The following SDC1 variants were observed in gnomAD, a reference collection of about 807,000 sequenced individuals.
The protein encoded by SDC1 is syndecan 1.
A neutral mutation model predicts 29.7 loss-of-function variants in SDC1; 14 were observed. The ratio of observed to expected loss-of-function variants is 0.47; its 90% confidence interval spans 0.31 to 0.74. The LOEUF is 0.74. Ranked by LOEUF, SDC1 falls within the 30% of genes least tolerant of loss-of-function variation. The probability of loss-of-function intolerance (pLI) is 0.05; values close to 1 mark genes in which losing one functional copy is unlikely to be tolerated. For missense variants in SDC1, 406 were observed against 400.3 expected, an observed-to-expected ratio of 1.01 and a Z score of -0.12; for synonymous variants, 204 against 175.5, an observed-to-expected ratio of 1.16 and a Z score of -1.29.
In SDC1 at chr2:20,213,110, C is replaced by T. The variant is rs142320169; in HGVS notation, c.67-7686G>A. 1.4e-3 allele frequency among the ~76,000 whole-genome samples: 218 copies of T among 152,218 alleles called. 1 individual carries two copies. The highest frequency in any genetic ancestry group is 4.6e-3 in the African/African-American group (190 of 41,532). On this transcript the variant is annotated intron_variant, in intron 1 of 4. Coordinates refer to ENST00000254351, the MANE Select transcript of SDC1 (RefSeq NM_002997.5). ...GATCCTGGCAGCCTCATGCCAGCTC[C>T]GATGCCCAAGCCAAGCCAGTGCTGC... is the stretch of plus-strand genomic sequence containing the variant.
At chr2:20,213,605 G>A (rs187427787) in intron 1 of SDC1, among the ~76,000 whole-genome samples, 1 of 152,162 alleles carries the variant, frequency 6.6e-6, no homozygotes, top group Non-Finnish European at 1.5e-5. Flanking sequence ...CCAAAGCACT[G>A]TCCCTCCCCC....
intron 1 of SDC1, among the ~76,000 whole-genome samples, chr2:20,222,517 G>A (rs920956818): frequency 1.3e-5 from 2 of 152,170 alleles, no homozygotes; most frequent in Admixed American, 1.3e-4. Flanking sequence ...TAAGCTTCAA[G>A]CCAGAGTCTG....
intron 1 of SDC1, among the ~76,000 whole-genome samples, chr2:20,207,141 C>G (rs1677299684): frequency 6.6e-6 from 1 of 152,258 alleles, no homozygotes; most frequent in African/African-American, 2.4e-5. Context: ...AGACCTCCTG[C>G]CTCCTGAGGC....
intron 1 of SDC1, among the ~76,000 whole-genome samples, chr2:20,210,548 C>CT (rs925229921): frequency 5.3e-5 from 8 of 152,246 alleles, no homozygotes; most frequent in African/African-American, 1.9e-4. Flanking sequence ...CAGGGGGCCT[C>CT]TGATTCGCAG....
chr2:20,214,747 G>A (rs1435737962), intron 1 of SDC1, among the ~76,000 whole-genome samples: 1 of 152,214 alleles, frequency 6.6e-6, no homozygotes, highest in Non-Finnish European at 1.5e-5. Context: ...GGGTGTGGTG[G>A]AAGAAGAGTC....
Position 20,202,115 on chromosome 2 carries a change from G to T in SDC1, c.*651C>A. On this transcript the variant is annotated 3_prime_UTR_variant, in exon 5 of 5. Transcript: ENST00000254351. The stretch of plus-strand genomic sequence containing the variant: ...CCTAGTTTAAAAAAAAAAAAAAAAA[G>T]TCTTCTTAACCCTGATGCTGTCTCC... 2 of 459,134 alleles carry T rather than the reference G, an allele frequency of 4.4e-6. No homozygotes were observed. Among genetic ancestry groups the T allele is most frequent in the Non-Finnish European group, 7.7e-6 (2 of 260,298 alleles). The allele number at this position is 459,134 out of a possible 1,614,324, so 28.4% of individuals were successfully genotyped here. A position where few individuals can be genotyped will look rare whatever the true frequency, so the allele number is the denominator to read the frequency against.
rs1175660797 is a variant in SDC1, at chr2:20,203,169, A to C, written c.681T>G (p.Pro227=). The C allele has an allele frequency of 6.2e-7, 1 of 1,612,880 alleles. No individual in the cohort carries two copies. Among genetic ancestry groups the C allele is most frequent in the Non-Finnish European group, 8.5e-7 (1 of 1,179,618 alleles). The change falls in exon 4 of 5, where the codon CCT becomes CCG. Residue 227 remains proline, a synonymous_variant. Transcript: ENST00000254351. ...GENTAVVAVE[P]DRRNQSPVDQ... is the part of the protein sequence containing the mutation. ...CCACTGGGGACTGGTTCCGGCGGTC[A>C]GGCTCCACGGCCACTACAGCCGTAT...
At chr2:20,221,123 G>C (rs898222277) in intron 1 of SDC1, among the ~76,000 whole-genome samples, 2 of 152,126 alleles carry the variant, frequency 1.3e-5, no homozygotes, top group Non-Finnish European at 2.9e-5. Context: ...GAGGTAGAGG[G>C]GAGACTGCAA....
chr2:20,204,798 TC>T (rs1245342797), intron 2 of SDC1, among the ~76,000 whole-genome samples: 1 of 152,036 alleles, frequency 6.6e-6, no homozygotes. Flanking sequence ...TCTTCTGAGG[TC>T]CACTCAAGAG....
intron 1 of SDC1, chr2:20,207,927 T>G: frequency 1.0e-6 from 1 of 984,090 alleles, no homozygotes; most frequent in African/African-American, 1.7e-5. Context: ...CCATACTCAC[T>G]GGGATCATGG....
rs370522141 is a variant in SDC1, at chr2:20,204,242, C to T, written c.198G>A (p.Lys66=). 7.5e-6 allele frequency: 12 copies of T among 1,590,224 alleles called. No homozygotes were observed. Among genetic ancestry groups the T allele is most frequent in the African/African-American group, 1.3e-5 (1 of 74,192 alleles). ...TLSQQTPSTW[K]DTQLLTAIPT... is the part of the protein sequence containing the mutation. ...GAATAGCCGTCAGGAGCTGCGTGTC[C>T]TTCCAAGTGGAGGGGGTCTGCTGTG... Residue 66 remains lysine (K), a synonymous_variant, in exon 3 of 5, where the codon AAG becomes AAA. Coordinates refer to ENST00000254351, the MANE Select transcript of SDC1 (RefSeq NM_002997.5).
In SDC1 at chr2:20,224,059, C is replaced by T. The variant is rs887516935; in HGVS notation, c.66+743G>A. 1 of 275,238 alleles carries T rather than the reference C, an allele frequency of 3.6e-6. No individual in the cohort carries two copies. Among genetic ancestry groups the T allele is most frequent in the South Asian group, 2.5e-5 (1 of 40,336 alleles). 17.0% of individuals were successfully genotyped at this position (275,238 alleles called of 1,614,324 possible). On this transcript the variant is annotated intron_variant, in intron 1 of 4. Transcript: ENST00000254351. This position sits in a 1 kb window ranked among gnomAD's most constrained non-coding sequence, Gnocchi z 4.9. Reference sequence around the variant, plus strand: ...GCGTGGAAGGCGCCTGCGCCTCGGCCGTGCCCGGCACGGGAACGCGCCCTC... The same window carrying T: ...GCGTGGAAGGCGCCTGCGCCTCGGCTGTGCCCGGCACGGGAACGCGCCCTC...
chr2:20,206,728 C>G (rs191803836), intron 1 of SDC1, among the ~76,000 whole-genome samples: 137 of 152,348 alleles, frequency 9.0e-4, no homozygotes, highest in African/African-American at 2.8e-3. Context: ...CCTGGGATGT[C>G]ATTAAACTGC....
chr2:20,207,105 T>G (rs1677298668), intron 1 of SDC1, among the ~76,000 whole-genome samples: 1 of 152,122 alleles, frequency 6.6e-6, no homozygotes, highest in South Asian at 2.1e-4. Flanking sequence ...CACTTCTGGG[T>G]AGTGCAAAGC....
In SDC1 at chr2:20,202,412, G is replaced by A. The variant is rs1677047258; in HGVS notation, c.*354C>T. 1 of 670,936 alleles carries A rather than the reference G, an allele frequency of 1.5e-6. No individual in the cohort carries two copies. The highest frequency in any genetic ancestry group is 1.7e-5 in the South Asian group (1 of 58,752). 41.6% of individuals were successfully genotyped at this position (670,936 alleles called of 1,614,324 possible). ...CACCCGCAGGATCTTCCAGCCACATGAGGCCATTTAGGTCCAAAGCAGTCG... is the reference window on the plus strand; with the variant it reads ...CACCCGCAGGATCTTCCAGCCACATAAGGCCATTTAGGTCCAAAGCAGTCG... On this transcript the variant is annotated 3_prime_UTR_variant, in exon 5 of 5. Transcript: ENST00000254351.
At chr2:20,210,394 AG>A (rs538530569) in intron 1 of SDC1, among the ~76,000 whole-genome samples, 41 of 152,284 alleles carry the variant, frequency 2.7e-4, no homozygotes, top group African/African-American at 8.7e-4. Context: ...GTCCGGCTCC[AG>A]GGGGATTTAA....
Position 20,202,113 on chromosome 2 carries a change from AAG to A in SDC1, c.*651_*652del. On this transcript the variant is annotated 3_prime_UTR_variant, in exon 5 of 5. Transcript: ENST00000254351. ...CTCCTAGTTTAAAAAAAAAAAAAAA[AAG>A]TCTTCTTAACCCTGATGCTGTCTCC... 3 of 533,008 alleles carry A rather than the reference AAG, an allele frequency of 5.6e-6. No individual in the cohort carries two copies. The highest frequency in any genetic ancestry group is 2.7e-5 in the South Asian group (1 of 37,632). The allele number at this position is 533,008 out of a possible 1,614,324, so 33.0% of individuals were successfully genotyped here.
intron 1 of SDC1, chr2:20,208,218 A>G (rs922925938): frequency 1.7e-6 from 1 of 592,268 alleles, no homozygotes; most frequent in Admixed American, 6.3e-5. Context: ...AACGCCAGGG[A>G]GGCCCCAACA....
intron 1 of SDC1, among the ~76,000 whole-genome samples, chr2:20,211,720 C>T (rs921087216): frequency 2.6e-5 from 4 of 152,264 alleles, no homozygotes; most frequent in African/African-American, 7.2e-5. Context: ...GCAGCACAGG[C>T]TGCAGGGCCT....
Sources: allele counts gnomAD v4.1 joint callset (sites outside exome capture counted in the v4.1 genomes callset), GRCh38; gene constraint gnomAD v4.1.1; non-coding constraint Gnocchi (gnomAD v3.1); transcripts MANE v1.5; gene names NCBI Gene and HGNC (gene_info 2026-07-23, HGNC 2026-07-21).